PRSS37: variants seen among roughly 807,000 people sequenced by gnomAD.
PRSS37 encodes serine protease 37.
PRSS37 carries 25 observed loss-of-function variants against 28.0 expected under a neutral mutation model. The ratio of observed to expected loss-of-function variants is 0.89; its 90% CI spans 0.65 to 1.25. The LOEUF (loss-of-function observed/expected upper bound fraction) is 1.25, where lower values mean the gene tolerates loss of function less well. PRSS37 is among the 50% of genes most tolerant of loss of function. PRSS37 has a pLI of 0.00. For synonymous variants in PRSS37, 109 were observed against 107.8 expected (o/e 1.01, Z -0.07); for missense variants, 282 against 292.2 (o/e 0.97, Z 0.25).
chr7:141,840,897 A>T, intron 1 of PRSS37, 119 bp downstream of exon 1: 1 of 999,608 alleles, frequency 1.0e-6, no homozygotes, highest in Non-Finnish European at 1.5e-6. Context: ...AGGACTCCTA[A>T]TTCTGCTGAT....
At chr7:141,839,147 G>T in intron 2 of PRSS37, 191 bp downstream of exon 2, 1 of 640,200 alleles carries the variant, frequency 1.6e-6, no homozygotes. Flanking sequence ...TGAATTGTAG[G>T]ATGTTAAACA....
In PRSS37 at chr7:141,837,220, C is replaced by T. The variant is rs1380543207; in HGVS notation, c.459G>A (p.Leu153=). 1 of 1,608,582 alleles carries T rather than the reference C, an allele frequency of 6.2e-7. No individual in the cohort carries two copies. ...SGRHPDLRQN[L]EAPVMSDREC... ...CTCGATCAGACATCACGGGGGCCTCCAGGTTCTGCCGCAAGTCAGGGTGTC... is the reference window on the plus strand; with the variant it reads ...CTCGATCAGACATCACGGGGGCCTCTAGGTTCTGCCGCAAGTCAGGGTGTC... Residue 153 remains leucine, a synonymous_variant, in exon 4 of 5, where the codon CTG becomes CTA. Transcript: ENST00000350549.
rs1257829757 is a variant in PRSS37, at chr7:141,837,109, T to A, written c.567+3A>T. On this transcript the variant is annotated splice_donor_region_variant and intron_variant, in intron 4 of 4. Coordinates refer to ENST00000350549, the MANE Select transcript of PRSS37 (RefSeq NM_001008270.3). ...TGAAAGCTGAATATAGAGATAAGAT[T>A]ACCCCAAAAATTCGGCTGAATACTT... The A allele has an allele frequency of 6.2e-7, 1 of 1,611,470 alleles. No individual in the cohort carries two copies. The highest frequency in any genetic ancestry group is 1.3e-5 in the African/African-American group (1 of 74,948).
intron 4 of PRSS37, 67 bp downstream of exon 4, chr7:141,837,045 C>A: frequency 6.7e-7 from 1 of 1,499,858 alleles, no homozygotes; most frequent in Non-Finnish European, 9.1e-7. Context: ...ATAGTTTTTA[C>A]ATCAAGAGTC....
intron 2 of PRSS37, chr7:141,839,115 CT>C: frequency 1.6e-6 from 1 of 638,302 alleles, no homozygotes; most frequent in East Asian, 2.9e-5. Context: ...CTGGACAAAT[CT>C]TTATTGTGGG....
At chr7:141,838,315 A>C (rs568793876) in intron 2 of PRSS37, 2 of 1,421,700 alleles carry the variant, frequency 1.4e-6, no homozygotes, top group Middle Eastern at 2.2e-4. Context: ...TAATTCACTC[A>C]GGGTGATATA....
chr7:141,840,265 C>G (rs1801111787), intron 1 of PRSS37, among the ~76,000 whole-genome samples: 1 of 151,660 alleles, frequency 6.6e-6, no homozygotes, highest in African/African-American at 2.4e-5. Flanking sequence ...TAAAACATAC[C>G]CTAGAGAATA....
intron 4 of PRSS37, 151 bp from the exon 5 acceptor site, chr7:141,836,686 G>C (rs1429179840): frequency 2.4e-6 from 2 of 838,866 alleles, no homozygotes; most frequent in Admixed American, 6.0e-5. Context: ...CAGGATGCTT[G>C]AGCCTTTTTT....
chr7:141,840,953 C>T, intron 1 of PRSS37, 63 bp downstream of exon 1: 8 of 1,534,988 alleles, frequency 5.2e-6, no homozygotes, highest in Non-Finnish European at 6.3e-6. Flanking sequence ...AATCCTGCCT[C>T]TGTCTCACCC....
rs1801032940 is a variant in PRSS37, at chr7:141,838,243, C to T, written c.177-130G>A. 18 of 1,497,486 alleles carry T rather than the reference C, an allele frequency of 1.2e-5. No homozygotes were observed. The South Asian group carries it at 2.2e-4, about 18-fold the overall frequency. The allele number at this position is 1,497,486 out of a possible 1,614,324, so 92.8% of individuals were successfully genotyped here. A position where few individuals can be genotyped will look rare whatever the true frequency, so the allele number is the denominator to read the frequency against. On this transcript the variant is annotated intron_variant, in intron 2 of 4. Transcript: ENST00000350549. ...TTATGTCATTTAACTCACAACAAGT[C>T]TATGCAGTGGATTCCATTTTTATCC...
chr7:141,838,356 A>C, intron 2 of PRSS37: 1 of 1,371,834 alleles, frequency 7.3e-7, no homozygotes, highest in Non-Finnish European at 9.4e-7. Flanking sequence ...CTACATTTTA[A>C]TGTTGTGTTC....
intron 4 of PRSS37, 52 bp downstream of exon 4, chr7:141,837,060 G>A: frequency 6.4e-7 from 1 of 1,574,500 alleles, no homozygotes. Context: ...AGAGTCAATA[G>A]TTAACCGGGC....
intron 3 of PRSS37, chr7:141,837,542 A>G: frequency 2.0e-6 from 3 of 1,488,010 alleles, no homozygotes; most frequent in Non-Finnish European, 2.7e-6. Flanking sequence ...ATGAGCATGT[A>G]TGAGAAGTAG....
intron 1 of PRSS37, among the ~76,000 whole-genome samples, chr7:141,840,532 G>C (rs1801119066): frequency 6.6e-6 from 1 of 152,142 alleles, no homozygotes; most frequent in African/African-American, 2.4e-5. Flanking sequence ...TCTATAATAT[G>C]GGTAGTCATA....
Position 141,838,076 on chromosome 7 carries a change from C to G in PRSS37, c.214G>C (p.Val72Leu), listed in dbSNP as rs1369583044. ...ATTGTCTGTTCAGTACCGTCTCTGA[C>G]TCTGCTCTTGAAATTTCCCAGCATC... Reference protein sequence around the residue: ...KVMLGNFKSRVRDGTEQTINP... With the variant: ...KVMLGNFKSRLRDGTEQTINP... The change falls in exon 3 of 5, where the codon GTC becomes CTC. Residue 72 changes from valine to leucine, a missense_variant. Val to Leu is a conservative substitution (Grantham distance 32). Transcript: ENST00000350549. The G allele has an allele frequency of 1.2e-6, 2 of 1,613,972 alleles. No individual in the cohort carries two copies. Among genetic ancestry groups the G allele is most frequent in the African/African-American group, 2.7e-5 (2 of 74,906 alleles).
At position 141,838,052 on chromosome 7, in the gene PRSS37, TTGTC is replaced by T. The variant is rs867537458; in HGVS notation, c.234_237del (p.Thr79LeufsTer78). 1 of 1,614,154 alleles carries T rather than the reference TTGTC, an allele frequency of 6.2e-7. No individual in the cohort carries two copies. Among genetic ancestry groups the T allele is most frequent in the Non-Finnish European group, 8.5e-7 (1 of 1,180,028 alleles). ...TAGCGGACGATCTGAATGGGGTTAA[TTGTC>T]TGTTCAGTACCGTCTCTGACTCTGC... is the stretch of plus-strand genomic sequence containing the variant. On this transcript the variant is annotated frameshift_variant, in exon 3 of 5. Transcript: ENST00000350549. LOFTEE classifies it high-confidence loss of function.
downstream of PRSS37, chr7:141,836,298 A>C (rs535363257): frequency 2.9e-6 from 4 of 1,385,228 alleles, no homozygotes; most frequent in Non-Finnish European, 4.0e-6. Context: ...TACATTCCCA[A>C]ATTTTCATTT....
chr7:141,837,132 C>T lies in PRSS37; in HGVS notation c.547G>A (p.Val183Ile). Reference sequence around the variant, plus strand: ...ATTACCCCAAAAATTCGGCTGAATACTTTCACAAATTTCACACATAAGGAA... The same window carrying T: ...ATTACCCCAAAAATTCGGCTGAATATTTTCACAAATTTCACACATAAGGAA... ...RNSLCVKFVK[V>I]FSRIFGEVAV... is the part of the protein sequence containing the mutation. Residue 183 changes from valine to isoleucine, a missense_variant, in exon 4 of 5, where the codon GTA (valine) becomes ATA (isoleucine). Coordinates refer to ENST00000350549, the MANE Select transcript of PRSS37 (RefSeq NM_001008270.3). 1 of 1,612,330 alleles carries T rather than the reference C, an allele frequency of 6.2e-7. No individual in the cohort carries two copies. Among genetic ancestry groups the T allele is most frequent in the South Asian group, 1.1e-5 (1 of 90,476 alleles).
chr7:141,836,573 G>A, intron 4 of PRSS37, 38 bp from the exon 5 acceptor site: 1 of 1,600,134 alleles, frequency 6.2e-7, no homozygotes, highest in Non-Finnish European at 8.5e-7. Context: ...GAGAGAGAGA[G>A]TAAGAGTGTC....
Sources: allele counts gnomAD v4.1 joint callset (sites outside exome capture counted in the v4.1 genomes callset), GRCh38; gene constraint gnomAD v4.1.1; transcripts MANE v1.5; gene names NCBI Gene and HGNC (gene_info 2026-07-23, HGNC 2026-07-21).